SCGB2B2: variants seen among roughly 807,000 people sequenced by gnomAD.
SCGB2B2 encodes the protein secretoglobin-like protein.
Under a neutral mutation model 7.6 loss-of-function variants are expected in SCGB2B2, and 11 were observed. That is an observed-to-expected ratio of 1.45 (90% CI 0.91 to 2.40). The LOEUF is 2.40. Among genes scored for constraint, SCGB2B2 ranks in the 30% most tolerant of loss-of-function variants. The pLI, the probability that SCGB2B2 is intolerant of heterozygous loss-of-function variation, is 0.00. For missense variants in SCGB2B2, 104 were observed against 115.4 expected, an observed-to-expected ratio of 0.90 and a Z score of 0.45; for synonymous variants, 50 against 48.6, an observed-to-expected ratio of 1.03 and a Z score of -0.12.
At chr19:34,587,707 T>C (rs2065212625), downstream of SCGB2B2, among the ~76,000 whole-genome samples, 1 of 152,242 alleles carries the variant, frequency 6.6e-6, no homozygotes, top group South Asian at 2.1e-4. Context: ...CTACATTCCT[T>C]CTATACTCAG....
chr19:34,666,033 C>T (rs1341880029), intron 1 of SCGB2B2, among the ~76,000 whole-genome samples: 2 of 152,102 alleles, frequency 1.3e-5, no homozygotes, highest in East Asian at 3.9e-4. Context: ...TCCTGGAGCC[C>T]ACACCTTTCA....
chr19:34,608,784 T>G (rs1415267927), intron 1 of SCGB2B2: 2 of 150,798 alleles, frequency 1.3e-5, no homozygotes, highest in Non-Finnish European at 3.0e-5. Context: ...CTGCAATAAA[T>G]GAGTGTGCAG....
chr19:34,626,602 A>G (rs10427092), intron 1 of SCGB2B2, among the ~76,000 whole-genome samples: 47,978 of 152,088 alleles, frequency 0.32, 8,410 homozygotes, highest in Middle Eastern at 0.47. Context: ...GAAATATGGG[A>G]CCATGTGAAA....
At chr19:34,666,203 A>G (rs2067616563) in intron 1 of SCGB2B2, among the ~76,000 whole-genome samples, 1 of 151,944 alleles carries the variant, frequency 6.6e-6, no homozygotes, top group Non-Finnish European at 1.5e-5. Context: ...GGCTTTCTCA[A>G]TGTCTCCCTG....
chr19:34,629,267 C>T (rs1376237791), intron 1 of SCGB2B2, among the ~76,000 whole-genome samples: 3 of 151,794 alleles, frequency 2.0e-5, no homozygotes, highest in African/African-American at 7.3e-5. Flanking sequence ...AAGTTCTGGC[C>T]AGGGCAATCA....
Position 34,604,459 on chromosome 19 carries a change from G to A in SCGB2B2, c.-2031-7865C>T, listed in dbSNP as rs368416844. Among the ~76,000 whole-genome samples, 14 of 152,300 alleles carry A rather than the reference G, an allele frequency of 9.2e-5. No homozygotes were observed. The East Asian group carries it at 1.2e-3, about 13-fold the overall frequency. ...GTCCTACCAGGCCCACAGCTTGAGT[G>A]CTCACCATCTAGCCGAGCCCAGCTT... On this transcript the variant is annotated intron_variant, in intron 1 of 3. Transcript: ENST00000601241.
intron 1 of SCGB2B2, among the ~76,000 whole-genome samples, chr19:34,598,859 G>A (rs975467261): frequency 2.6e-5 from 4 of 152,238 alleles, no homozygotes; most frequent in African/African-American, 9.6e-5. Context: ...CAGTGGTGTA[G>A]ATGGGACTCC....
chr19:34,611,736 G>A (rs966558537), intron 1 of SCGB2B2, among the ~76,000 whole-genome samples: 2 of 150,838 alleles, frequency 1.3e-5, no homozygotes, highest in Admixed American at 6.6e-5. Context: ...TGCAACCTCC[G>A]CCTCCTGGGT....
intron 1 of SCGB2B2, among the ~76,000 whole-genome samples, chr19:34,620,191 G>T (rs1264379979): frequency 1.3e-5 from 2 of 151,826 alleles, no homozygotes. Context: ...TATACCCAAA[G>T]AATTATAAAT....
intron 1 of SCGB2B2, among the ~76,000 whole-genome samples, chr19:34,653,911 T>G (rs1211472990): frequency 2.7e-5 from 4 of 150,040 alleles, no homozygotes; most frequent in Non-Finnish European, 4.4e-5. Context: ...AGGAACAAGA[T>G]GAGGATGCCT....
intron 1 of SCGB2B2, among the ~76,000 whole-genome samples, chr19:34,644,360 T>C: frequency 9.8e-6 from 1 of 102,048 alleles, no homozygotes; most frequent in Admixed American, 8.6e-5. Flanking sequence ...GTTTTTTTTT[T>C]TGTTTTTTTT....
At chr19:34,624,093 T>A (rs765250860) in intron 1 of SCGB2B2, among the ~76,000 whole-genome samples, 12 of 152,224 alleles carry the variant, frequency 7.9e-5, no homozygotes, top group Non-Finnish European at 1.5e-4. Flanking sequence ...CTAGGTGTTG[T>A]GGCAATAACT....
chr19:34,605,983 G>GT (rs1332068724), intron 1 of SCGB2B2, among the ~76,000 whole-genome samples: 3 of 151,382 alleles, frequency 2.0e-5, no homozygotes, highest in African/African-American at 4.9e-5. Flanking sequence ...TACCCAATTT[G>GT]TTTTTTTAGA....
At chr19:34,663,119 A>T (rs1167066853) in intron 1 of SCGB2B2, among the ~76,000 whole-genome samples, 1 of 152,250 alleles carries the variant, frequency 6.6e-6, no homozygotes, top group Non-Finnish European at 1.5e-5. Context: ...GATGGTTCAC[A>T]CGACACTGAC....
intron 1 of SCGB2B2, among the ~76,000 whole-genome samples, chr19:34,628,650 A>G (rs1296020436): frequency 1.3e-5 from 2 of 151,972 alleles, no homozygotes; most frequent in African/African-American, 4.8e-5. Flanking sequence ...AAAAAAGTCC[A>G]GGACCAGACA....
intron 1 of SCGB2B2, among the ~76,000 whole-genome samples, chr19:34,606,398 T>C (rs755914197): frequency 8.5e-5 from 13 of 152,054 alleles, no homozygotes; most frequent in Non-Finnish European, 1.6e-4. Context: ...GGCAAAGCTA[T>C]AGGGATGAAG....
chr19:34,624,381 CAGTTT>C (rs1024684906), intron 1 of SCGB2B2, among the ~76,000 whole-genome samples: 1 of 152,094 alleles, frequency 6.6e-6, no homozygotes, highest in East Asian at 1.9e-4. Context: ...AAGTTTAGTT[CAGTTT>C]AGTTTAGTTT....
chr19:34,630,284 G>C (rs947731730), intron 1 of SCGB2B2, among the ~76,000 whole-genome samples: 1 of 151,866 alleles, frequency 6.6e-6, no homozygotes, highest in East Asian at 1.9e-4. Context: ...AAACTAAAGA[G>C]CTTCTGCACA....
chr19:34,629,325 A>C (rs981489808), intron 1 of SCGB2B2, among the ~76,000 whole-genome samples: 3 of 152,010 alleles, frequency 2.0e-5, no homozygotes, highest in Non-Finnish European at 4.4e-5. Context: ...AGAGGAAGTC[A>C]AATTGCCCCT....
Sources: gnomAD v4.1 joint callset for allele counts (sites outside exome capture counted in the v4.1 genomes callset) on GRCh38, gnomAD v4.1.1 for gene constraint, MANE v1.5 for transcripts, NCBI Gene and HGNC (gene_info 2026-07-23, HGNC 2026-07-21) for gene names.